Variants in PIP5K1B observed in about 807,000 individuals in gnomAD.
PIP5K1B encodes the protein phosphatidylinositol 4-phosphate 5-kinase type-1 beta.
PIP5K1B carries 42 observed loss-of-function variants against 67.0 expected under a neutral mutation model. The ratio of observed to expected loss-of-function variants is 0.63; its 90% CI spans 0.49 to 0.81. The LOEUF (loss-of-function observed/expected upper bound fraction) is 0.81. PIP5K1B is among the 30% of genes least tolerant of loss of function. The pLI is 0.00. For synonymous variants in PIP5K1B, 214 were observed against 231.4 expected (o/e 0.92, Z 0.68); for missense variants, 459 against 646.3 (o/e 0.71, Z 3.14).
chr9:68,835,198 C>A (rs1201068544), intron 4 of PIP5K1B, among the ~76,000 whole-genome samples: 1 of 152,180 alleles, frequency 6.6e-6, no homozygotes, highest in East Asian at 1.9e-4. Context: ...CAACTGTATC[C>A]CTCTCAAAAT....
chr9:68,713,239 A>G (rs988002212), intron 1 of PIP5K1B, among the ~76,000 whole-genome samples: 2 of 152,190 alleles, frequency 1.3e-5, no homozygotes, highest in Admixed American at 6.5e-5. Flanking sequence ...TCTCTACCAA[A>G]AATACAAAAA....
chr9:68,991,062 C>T (rs1830341000), intron 14 of PIP5K1B, 78 bp from the exon 15 acceptor site: 1 of 812,840 alleles, frequency 1.2e-6, no homozygotes, highest in South Asian at 1.4e-5. Context: ...GCCCACCTCA[C>T]CCTCTTTAGG....
chr9:68,904,995 ATAAT>A (rs1402240992), intron 8 of PIP5K1B, among the ~76,000 whole-genome samples: 1 of 152,104 alleles, frequency 6.6e-6, no homozygotes, highest in East Asian at 1.9e-4. Flanking sequence ...TATATATGCA[ATAAT>A]TCAAGTTAAG....
intron 4 of PIP5K1B, among the ~76,000 whole-genome samples, chr9:68,861,489 C>CT (rs1002587469): frequency 3.3e-5 from 5 of 152,202 alleles, no homozygotes; most frequent in Non-Finnish European, 5.9e-5. Context: ...TGGTTACTCT[C>CT]TTTGGCAGGC....
chr9:68,786,229 G>A (rs1831607219), intron 2 of PIP5K1B: 1 of 152,088 alleles, frequency 6.6e-6, no homozygotes, highest in African/African-American at 2.4e-5. Flanking sequence ...CTGATAACGT[G>A]AGTTTTTGCC....
chr9:68,820,510 A>T (rs1017645858), intron 3 of PIP5K1B, among the ~76,000 whole-genome samples: 2 of 151,966 alleles, frequency 1.3e-5, no homozygotes, highest in African/African-American at 4.8e-5. Flanking sequence ...ATTTTCCTGG[A>T]TGGTTTTTAG....
At chr9:68,713,065 C>T (rs1405686816) in intron 1 of PIP5K1B, among the ~76,000 whole-genome samples, 2 of 152,152 alleles carry the variant, frequency 1.3e-5, no homozygotes, top group African/African-American at 4.8e-5. Flanking sequence ...AAGTGCAGTC[C>T]TTAGACCAAC....
intron 6 of PIP5K1B, among the ~76,000 whole-genome samples, chr9:68,880,592 TAC>T (rs763461495): frequency 0.36 from 27,384 of 76,872 alleles, 2,669 homozygotes; most frequent in Non-Finnish European, 0.41. Flanking sequence ...CACACACGCA[TAC>T]ACACACACAC....
intron 7 of PIP5K1B, among the ~76,000 whole-genome samples, chr9:68,890,703 A>T (rs1187910049): frequency 6.6e-6 from 1 of 152,016 alleles, no homozygotes; most frequent in Non-Finnish European, 1.5e-5. Flanking sequence ...AGCCAAAAAA[A>T]AAAAAACTAA....
At chr9:68,948,491 A>C (rs1186545830) in intron 14 of PIP5K1B, among the ~76,000 whole-genome samples, 1 of 152,120 alleles carries the variant, frequency 6.6e-6, no homozygotes, top group Non-Finnish European at 1.5e-5. Context: ...ACAACAACAA[A>C]AAACACATCT....
At chr9:68,818,957 A>G (rs765331880) in intron 3 of PIP5K1B, among the ~76,000 whole-genome samples, 25 of 152,322 alleles carry the variant, frequency 1.6e-4, no homozygotes, top group Middle Eastern at 3.4e-3. Flanking sequence ...CCTTCCTTTT[A>G]TGTGTACATG....
At chr9:68,989,981 C>CAA (rs540266580) in intron 14 of PIP5K1B, among the ~76,000 whole-genome samples, 1 of 141,514 alleles carries the variant, frequency 7.1e-6, no homozygotes. Flanking sequence ...GACTCCGTCT[C>CAA]AAAAAAAAAA....
At position 68,803,009 on chromosome 9, in the gene PIP5K1B, A is replaced by C. The variant is rs139531621; in HGVS notation, c.-85-15452A>C. On this transcript the variant is annotated intron_variant, in intron 2 of 15. Coordinates refer to ENST00000265382, the MANE Select transcript of PIP5K1B (RefSeq NM_003558.4). Reference sequence around the variant, plus strand: ...GCAGCAATCTGTGTTAGAAATGATGAGATCTCAATTAAGTTTGTATAAGGG... The same window carrying C: ...GCAGCAATCTGTGTTAGAAATGATGCGATCTCAATTAAGTTTGTATAAGGG... Among the ~76,000 whole-genome samples, 46 of 152,318 alleles carry C rather than the reference A, an allele frequency of 3.0e-4. No homozygotes were observed. In the East Asian group the frequency reaches 7.9e-3, roughly 26 times the overall value.
chr9:68,740,218 G>A (rs941037125), intron 1 of PIP5K1B, among the ~76,000 whole-genome samples: 4 of 152,208 alleles, frequency 2.6e-5, no homozygotes, highest in Non-Finnish European at 5.9e-5. Context: ...ATCTTGGGAC[G>A]GATCTTTTGG....
intron 2 of PIP5K1B, among the ~76,000 whole-genome samples, chr9:68,748,312 C>A (rs1359480903): frequency 2.6e-5 from 4 of 152,210 alleles, no homozygotes; most frequent in African/African-American, 9.6e-5. Context: ...CACAGTCCCA[C>A]CATATCCTTC....
intron 15 of PIP5K1B, among the ~76,000 whole-genome samples, chr9:68,992,990 G>A (rs1830447253): frequency 6.6e-6 from 1 of 151,556 alleles, no homozygotes; most frequent in Non-Finnish European, 1.5e-5. Flanking sequence ...AACCCCATCT[G>A]TACTAAAAAT....
intron 4 of PIP5K1B, among the ~76,000 whole-genome samples, chr9:68,856,209 C>T (rs926942168): frequency 3.3e-5 from 5 of 152,272 alleles, no homozygotes; most frequent in South Asian, 2.1e-4. Context: ...CCCTGTTACC[C>T]GACTAATGAA....
At chr9:69,003,475 A>AAT (rs1404949124) in intron 15 of PIP5K1B, among the ~76,000 whole-genome samples, 2 of 150,662 alleles carry the variant, frequency 1.3e-5, no homozygotes, top group Non-Finnish European at 3.0e-5. Context: ...TTAAAAAAAA[A>AAT]AAAGGGGGGG....
At chr9:68,897,348 G>T (rs1469646874) in intron 8 of PIP5K1B, among the ~76,000 whole-genome samples, 1 of 152,192 alleles carries the variant, frequency 6.6e-6, no homozygotes, top group African/African-American at 2.4e-5. Context: ...CAAGCATGAG[G>T]TGCACGACCT....
Sources: allele counts gnomAD v4.1 joint callset (sites outside exome capture counted in the v4.1 genomes callset), GRCh38; gene constraint gnomAD v4.1.1; transcripts MANE v1.5; gene names NCBI Gene and HGNC (gene_info 2026-07-23, HGNC 2026-07-21).